ACSS3: variants seen among roughly 807,000 people sequenced by gnomAD.
ACSS3 encodes the protein acyl-CoA synthetase short chain family member 3, also known as acyl-CoA synthetase short-chain family member 3, mitochondrial.
A neutral mutation model predicts 84.2 loss-of-function variants in ACSS3; 64 were observed. The ratio of observed to expected loss-of-function variants is 0.76; its 90% CI spans 0.62 to 0.94. ACSS3 has a LOEUF of 0.94. ACSS3 is among the 40% of genes least tolerant of loss of function. The probability of loss-of-function intolerance (pLI) is 0.00; values close to 1 mark genes in which losing one functional copy is unlikely to be tolerated. For synonymous variants in ACSS3, 317 were observed against 310.1 expected, an observed-to-expected ratio of 1.02 and a Z score of -0.23; for missense variants, 815 against 867.6, an observed-to-expected ratio of 0.94 and a Z score of 0.76.
At chr12:81,185,528 A>AT (rs1480425102) in intron 8 of ACSS3, among the ~76,000 whole-genome samples, 1 of 151,788 alleles carries the variant, frequency 6.6e-6, no homozygotes, top group Non-Finnish European at 1.5e-5. Flanking sequence ...AATCAGTGGC[A>AT]TTTTTCTACA....
intron 7 of ACSS3, among the ~76,000 whole-genome samples, chr12:81,157,536 C>T (rs984154844): frequency 2.0e-5 from 3 of 152,132 alleles, no homozygotes; most frequent in Admixed American, 6.5e-5. Context: ...AAGCTGGGCG[C>T]GGTGGCTCAC....
intron 13 of ACSS3, among the ~76,000 whole-genome samples, chr12:81,234,504 C>T (rs1477452835): frequency 1.3e-5 from 2 of 151,400 alleles, no homozygotes; most frequent in African/African-American, 2.4e-5. Flanking sequence ...TGCTATTTTA[C>T]ATAGCCACCA....
rs893532913 is a variant in ACSS3, at chr12:81,230,544, G to C, written c.1515-513G>C. ...TGGATGATTATGAGAAGAAAAAAGA[G>C]GAGGAAGCAGTGAGAGAGAATTCCC... On this transcript the variant is annotated intron_variant, in intron 11 of 15. Coordinates refer to ENST00000548058, the MANE Select transcript of ACSS3 (RefSeq NM_024560.4). 5.3e-5 allele frequency among the ~76,000 whole-genome samples: 8 copies of C among 151,964 alleles called. No homozygotes were observed. In the South Asian group the frequency reaches 1.7e-3, roughly 31 times the overall value.
chr12:81,204,275 TCC>T (rs2032242339), intron 9 of ACSS3, among the ~76,000 whole-genome samples: 1 of 80,074 alleles, frequency 1.2e-5, no homozygotes, highest in Non-Finnish European at 2.7e-5. Flanking sequence ...TTTCTATTCT[TCC>T]TTCCTCCTCT....
At chr12:81,243,750 T>C (rs1014589714) in intron 13 of ACSS3, among the ~76,000 whole-genome samples, 5 of 152,158 alleles carry the variant, frequency 3.3e-5, no homozygotes, top group African/African-American at 1.2e-4. Context: ...AAAATATTTC[T>C]AATTCCTCCC....
chr12:81,163,682 G>A (rs1032936927), intron 7 of ACSS3, among the ~76,000 whole-genome samples: 4 of 152,178 alleles, frequency 2.6e-5, no homozygotes, highest in Non-Finnish European at 5.9e-5. Context: ...TGTGGAGATG[G>A]AAGACAGTGA....
At chr12:81,193,207 C>A (rs1375656840) in intron 8 of ACSS3, among the ~76,000 whole-genome samples, 1 of 152,226 alleles carries the variant, frequency 6.6e-6, no homozygotes, top group East Asian at 1.9e-4. Context: ...GATAATCTGT[C>A]ATGTGAACCA....
chr12:81,254,985 G>T lies in ACSS3; in HGVS notation c.*63G>T. The stretch of plus-strand genomic sequence containing the variant: ...TCTTAATTGAAATTAAATTATTTGA[G>T]TTGTTTCTCAGAAATAAATATTTCA... On this transcript the variant is annotated 3_prime_UTR_variant, in exon 16 of 16. Coordinates refer to ENST00000548058, the MANE Select transcript of ACSS3 (RefSeq NM_024560.4). The T allele has an allele frequency of 1.5e-6, 2 of 1,343,974 alleles. No homozygotes were observed. The highest frequency in any genetic ancestry group is 1.4e-5 in the South Asian group (1 of 70,590). 83.3% of individuals were successfully genotyped at this position (1,343,974 alleles called of 1,614,324 possible).
chr12:81,180,662 C>T (rs972085288), intron 8 of ACSS3, among the ~76,000 whole-genome samples: 8 of 151,940 alleles, frequency 5.3e-5, no homozygotes, highest in African/African-American at 1.7e-4. Context: ...ATTACAGGTG[C>T]CTGCCACCAC....
rs564831708 is a variant in ACSS3, at chr12:81,144,603, A to T, written c.921+1356A>T. On this transcript the variant is annotated intron_variant, in intron 5 of 15. Coordinates refer to ENST00000548058, the MANE Select transcript of ACSS3 (RefSeq NM_024560.4). The stretch of plus-strand genomic sequence containing the variant: ...ATCTAATATAAAAGTATCAACTGAG[A>T]GAAAACTCCTGACCCTGAAAACACA... 2.0e-4 allele frequency among the ~76,000 whole-genome samples: 31 copies of T among 152,094 alleles called. No homozygotes were observed. The South Asian group carries it at 6.0e-3, about 30-fold the overall frequency.
chr12:81,155,711 T>G (rs568332627), intron 7 of ACSS3, among the ~76,000 whole-genome samples: 1 of 152,250 alleles, frequency 6.6e-6, no homozygotes, highest in South Asian at 2.1e-4. Context: ...AGGGCTGATA[T>G]TCAGCTCATG....
chr12:81,249,204 G>C (rs914205116), intron 13 of ACSS3, among the ~76,000 whole-genome samples: 1 of 152,058 alleles, frequency 6.6e-6, no homozygotes, highest in Non-Finnish European at 1.5e-5. Context: ...TGCTAGTTCT[G>C]CACTTGTAAG....
chr12:81,168,009 G>T (rs1231815865), intron 7 of ACSS3, among the ~76,000 whole-genome samples: 1 of 152,176 alleles, frequency 6.6e-6, no homozygotes, highest in African/African-American at 2.4e-5. Flanking sequence ...TCTGAACCAT[G>T]TGACATTGCT....
chr12:81,195,219 G>A (rs1410981488), intron 8 of ACSS3, among the ~76,000 whole-genome samples: 1 of 151,896 alleles, frequency 6.6e-6, no homozygotes, highest in Non-Finnish European at 1.5e-5. Flanking sequence ...TTTCATCACA[G>A]GAGTTTTCTA....
intron 1 of ACSS3, among the ~76,000 whole-genome samples, chr12:81,095,580 G>A (rs541234419): frequency 3.2e-4 from 49 of 152,210 alleles, no homozygotes; most frequent in African/African-American, 1.1e-3. Context: ...ACTCACAACC[G>A]GAGAATCTTT....
chr12:81,174,874 T>G lies in ACSS3; in HGVS notation c.1185T>G (p.Thr395=). Residue 395 remains threonine (T), a synonymous_variant, in exon 8 of 16, where the codon ACT becomes ACG. Transcript: ENST00000548058. ...TAGCTGCCTTGTTTACAGCACCAAC[T>G]GCAATTAGAGCAATCCGTCAACAGG... ...HGVAALFTAP[T]AIRAIRQQDP... 2 of 1,613,892 alleles carry G rather than the reference T, an allele frequency of 1.2e-6. No individual in the cohort carries two copies. Among genetic ancestry groups the G allele is most frequent in the Non-Finnish European group, 1.7e-6 (2 of 1,179,864 alleles).
intron 11 of ACSS3, among the ~76,000 whole-genome samples, chr12:81,229,805 A>C (rs923806927): frequency 6.6e-6 from 1 of 151,960 alleles, no homozygotes; most frequent in African/African-American, 2.4e-5. Context: ...AATAAAGAGC[A>C]TCTAGCAAAG....
chr12:81,143,294 T>C (rs772750280), intron 5 of ACSS3, 47 bp downstream of exon 5: 2 of 1,442,356 alleles, frequency 1.4e-6, no homozygotes, highest in East Asian at 4.8e-5. Context: ...AGATTTACTT[T>C]GCACCAAGAA....
intron 11 of ACSS3, among the ~76,000 whole-genome samples, chr12:81,228,364 G>A (rs969784738): frequency 1.3e-5 from 2 of 151,812 alleles, no homozygotes; most frequent in Admixed American, 6.6e-5. Flanking sequence ...GTAAGAATGA[G>A]TGATGGTATG....
Sources: allele counts gnomAD v4.1 joint callset (sites outside exome capture counted in the v4.1 genomes callset), GRCh38; gene constraint gnomAD v4.1.1; transcripts MANE v1.5; gene names NCBI Gene and HGNC (gene_info 2026-07-23, HGNC 2026-07-21).